SAMD12: variants seen among roughly 807,000 people sequenced by gnomAD.
The protein encoded by SAMD12 is sterile alpha motif domain containing 12, also known as sterile alpha motif domain-containing protein 12.
SAMD12 carries 9 observed loss-of-function variants against 15.0 expected under a neutral mutation model. That is an observed-to-expected ratio of 0.60 (90% CI 0.36 to 1.05). The LOEUF is 1.05. Among genes scored for constraint, SAMD12 ranks in the 50% least tolerant of loss-of-function variants. The probability of loss-of-function intolerance (pLI) is 0.01; values close to 1 mark genes in which losing one functional copy is unlikely to be tolerated. For missense variants in SAMD12, 230 were observed against 234.2 expected, an observed-to-expected ratio of 0.98 and a Z score of 0.12; for synonymous variants, 86 against 90.1, an observed-to-expected ratio of 0.96 and a Z score of 0.25.
intron 4 of SAMD12, among the ~76,000 whole-genome samples, chr8:118,277,912 C>G (rs950942583): frequency 1.3e-5 from 2 of 152,156 alleles, no homozygotes; most frequent in African/African-American, 2.4e-5. Flanking sequence ...ATCCTGGTTA[C>G]TCTTTCATGG....
chr8:118,221,017 T>A (rs1477102629), intron 4 of SAMD12, among the ~76,000 whole-genome samples: 1 of 148,762 alleles, frequency 6.7e-6, no homozygotes, highest in Non-Finnish European at 1.5e-5. Context: ...GTATGATTTC[T>A]AAAAAAAAAA....
At chr8:118,401,343 G>C (rs1820861029) in intron 3 of SAMD12, among the ~76,000 whole-genome samples, 1 of 152,040 alleles carries the variant, frequency 6.6e-6, no homozygotes, top group Admixed American at 6.6e-5. Context: ...TTTCGCCTCA[G>C]GTCCTACATA....
At chr8:118,321,092 A>AATAACATATATAATATATATGATATAT (rs1816228319) in intron 4 of SAMD12, among the ~76,000 whole-genome samples, 3 of 107,948 alleles carry the variant, frequency 2.8e-5, no homozygotes, top group Admixed American at 2.7e-4. Flanking sequence ...ATACATATAT[A>AATAACATATATAATATATATGATATAT]ATAACATATA....
intron 1 of SAMD12, among the ~76,000 whole-genome samples, chr8:118,594,096 G>A: frequency 6.6e-6 from 1 of 152,136 alleles, no homozygotes; most frequent in Admixed American, 6.5e-5. Context: ...TATCTCTGAG[G>A]GAGAAAGAGA....
At chr8:118,545,060 CTCAG>C (rs1342117133) in intron 2 of SAMD12, among the ~76,000 whole-genome samples, 3 of 152,186 alleles carry the variant, frequency 2.0e-5, no homozygotes, top group African/African-American at 7.2e-5. Context: ...GTGCCCAGGC[CTCAG>C]TCAAATAACT....
At chr8:118,574,580 T>C (rs1420164520) in intron 2 of SAMD12, among the ~76,000 whole-genome samples, 1 of 152,246 alleles carries the variant, frequency 6.6e-6, no homozygotes, top group Non-Finnish European at 1.5e-5. Flanking sequence ...ATGGCTTAAA[T>C]ATATCATATT....
At chr8:118,321,392 T>A (rs1277810384) in intron 4 of SAMD12, among the ~76,000 whole-genome samples, 1 of 149,946 alleles carries the variant, frequency 6.7e-6, no homozygotes, top group East Asian at 2.0e-4. Context: ...GGTGGGCAGA[T>A]CACTTGAGGT....
chr8:118,140,187 G>C, the SAMD12 span, among the ~76,000 whole-genome samples: 2 of 152,264 alleles, frequency 1.3e-5, no homozygotes, highest in East Asian at 3.9e-4. Flanking sequence ...AGGATAAACA[G>C]TACATGATAT....
chr8:118,228,781 T>TA (rs1812239878), intron 4 of SAMD12, among the ~76,000 whole-genome samples: 1 of 152,182 alleles, frequency 6.6e-6, no homozygotes, highest in South Asian at 2.1e-4. Context: ...GCAATCCCAC[T>TA]ACTGGGTATC....
chr8:118,418,592 G>A (rs1038892347), intron 3 of SAMD12, among the ~76,000 whole-genome samples: 3 of 152,026 alleles, frequency 2.0e-5, no homozygotes, highest in East Asian at 1.9e-4. Context: ...GGTGGCGGGC[G>A]CCTGTGGTCC....
the SAMD12 span, among the ~76,000 whole-genome samples, chr8:118,139,052 T>A: frequency 4.6e-5 from 7 of 152,144 alleles, no homozygotes; most frequent in African/African-American, 1.2e-4. Flanking sequence ...CTGGCCCATG[T>A]GATACAAGAC....
the SAMD12 span, among the ~76,000 whole-genome samples, chr8:118,154,157 C>CACACACAT: frequency 1.3e-5 from 2 of 151,726 alleles, no homozygotes; most frequent in African/African-American, 4.8e-5. Flanking sequence ...CACACACACA[C>CACACACAT]ACACATACAC....
intron 2 of SAMD12, among the ~76,000 whole-genome samples, chr8:118,543,700 CTCT>C (rs1436009981): frequency 2.1e-5 from 3 of 142,778 alleles, no homozygotes; most frequent in Non-Finnish European, 3.0e-5. Flanking sequence ...CCCAAGACAA[CTCT>C]TCTTCTTCCA....
chr8:118,534,891 T>TC (rs1256272991), intron 2 of SAMD12, among the ~76,000 whole-genome samples: 1 of 152,208 alleles, frequency 6.6e-6, no homozygotes, highest in South Asian at 2.1e-4. Flanking sequence ...GGTTCGAACA[T>TC]CCTCCTTTAG....
At chr8:118,349,305 G>T (rs1817833653) in intron 4 of SAMD12, among the ~76,000 whole-genome samples, 1 of 152,230 alleles carries the variant, frequency 6.6e-6, no homozygotes, top group South Asian at 2.1e-4. Flanking sequence ...AAAGTCAGCT[G>T]TGTCATCCTG....
the SAMD12 span, among the ~76,000 whole-genome samples, chr8:118,158,574 G>C: frequency 6.6e-6 from 1 of 152,244 alleles, no homozygotes; most frequent in African/African-American, 2.4e-5. Flanking sequence ...AAGTGGACAG[G>C]CTCCTGGACA....
At chr8:118,371,555 T>A (rs986273251) in intron 4 of SAMD12, among the ~76,000 whole-genome samples, 6 of 151,952 alleles carry the variant, frequency 3.9e-5, no homozygotes, top group African/African-American at 1.2e-4. Context: ...CCATGACAGG[T>A]GACAGCGTGA....
intron 2 of SAMD12, among the ~76,000 whole-genome samples, chr8:118,471,302 C>G (rs1014738510): frequency 6.6e-6 from 1 of 152,028 alleles, no homozygotes; most frequent in South Asian, 2.1e-4. Context: ...ATTTGATATA[C>G]AAATTATTCA....
Position 118,379,780 on chromosome 8 carries a change from C to T in SAMD12, c.323-80G>A, listed in dbSNP as rs1819580671. The T allele has an allele frequency of 2.6e-6, 4 of 1,520,222 alleles. No homozygotes were observed. The East Asian group carries it at 6.8e-5, about 26-fold the overall frequency. The allele number at this position is 1,520,222 out of a possible 1,614,324, so 94.2% of individuals were successfully genotyped here. ...GATGTCCATTTTGGTCTTGACTAAC[C>T]CTGCCATCACAGAAGTTTCTACCTA... On this transcript the variant is annotated intron_variant, in intron 3 of 3. Coordinates refer to ENST00000314727, the MANE Select transcript of SAMD12 (RefSeq NM_207506.3).
Sources: allele counts gnomAD v4.1 joint callset (sites outside exome capture counted in the v4.1 genomes callset), GRCh38; gene constraint gnomAD v4.1.1; transcripts MANE v1.5; gene names NCBI Gene and HGNC (gene_info 2026-07-23, HGNC 2026-07-21).